ARHGAP39: variants seen among roughly 807,000 people sequenced by gnomAD.
ARHGAP39 encodes the protein rho GTPase-activating protein 39.
A neutral mutation model predicts 106.9 loss-of-function variants in ARHGAP39; 44 were observed. The ratio of observed to expected loss-of-function variants is 0.41; its 90% CI spans 0.32 to 0.53. The LOEUF is 0.53. Among genes scored for constraint, ARHGAP39 ranks in the 20% least tolerant of loss-of-function variants. The pLI is 0.21. For synonymous variants in ARHGAP39, 768 were observed against 693.2 expected (o/e 1.11, Z -1.69); for missense variants, 1,496 against 1,577.3 (o/e 0.95, Z 0.87).
At chr8:144,584,857 C>T (rs139734282) in intron 2 of ARHGAP39, among the ~76,000 whole-genome samples, 12 of 152,310 alleles carry the variant, frequency 7.9e-5, no homozygotes, top group African/African-American at 2.4e-4. Flanking sequence ...TCTGCCTGAG[C>T]GGTGTCTTAG....
At chr8:144,554,776 A>T (rs1234098920) in intron 4 of ARHGAP39, among the ~76,000 whole-genome samples, 3 of 152,226 alleles carry the variant, frequency 2.0e-5, no homozygotes, top group Admixed American at 1.3e-4. Context: ...GGCAGGCTCT[A>T]ATTCCCTGCC....
At chr8:144,566,492 G>T (rs921689035) in intron 3 of ARHGAP39, among the ~76,000 whole-genome samples, 1 of 152,078 alleles carries the variant, frequency 6.6e-6, no homozygotes, top group Admixed American at 6.6e-5. Context: ...GAGGCAAAGT[G>T]TGCAATGAGC....
chr8:144,562,956 G>A (rs1192132654), intron 3 of ARHGAP39, among the ~76,000 whole-genome samples: 1 of 152,280 alleles, frequency 6.6e-6, no homozygotes, highest in Non-Finnish European at 1.5e-5. Flanking sequence ...TATGTTTGAA[G>A]GAGTCAATAT....
intron 1 of ARHGAP39, among the ~76,000 whole-genome samples, chr8:144,685,025 G>A (rs1822542131): frequency 6.6e-6 from 1 of 152,172 alleles, no homozygotes; most frequent in South Asian, 2.1e-4. Flanking sequence ...GACGGCGCCC[G>A]GGAATGCGGC....
At position 144,566,445 on chromosome 8, in the gene ARHGAP39, T is replaced by C. The variant is rs536280645; in HGVS notation, c.513-10802A>G. On this transcript the variant is annotated intron_variant, in intron 3 of 11. Transcript: ENST00000377307. ...TGGGTGTGGTGGTGTGCACCTGTGG[T>C]CCCAGGTGCTGAGGTGGGAGGACAG... Among the ~76,000 whole-genome samples the C allele has an allele frequency of 5.3e-5, 8 of 151,946 alleles. No homozygotes were observed. In the East Asian group the frequency reaches 1.6e-3, roughly 30 times the overall value.
intron 1 of ARHGAP39, among the ~76,000 whole-genome samples, chr8:144,666,786 A>C (rs929078285): frequency 6.6e-6 from 1 of 152,150 alleles, no homozygotes; most frequent in African/African-American, 2.4e-5. Context: ...ACATGGCTAA[A>C]GGCGATCAGT....
intron 1 of ARHGAP39, among the ~76,000 whole-genome samples, chr8:144,681,996 C>T (rs150568702): frequency 6.6e-5 from 10 of 152,254 alleles, no homozygotes; most frequent in Non-Finnish European, 1.2e-4. Flanking sequence ...CGGCCGGGTG[C>T]GGTGGCACAC....
intron 4 of ARHGAP39, among the ~76,000 whole-genome samples, chr8:144,555,235 G>A (rs371675546): frequency 5.9e-5 from 9 of 152,234 alleles, no homozygotes; most frequent in East Asian, 1.9e-4. Context: ...GCTTTGGCAC[G>A]TGTGGCCTGA....
chr8:144,541,132 T>TG (rs1817174445), intron 6 of ARHGAP39, among the ~76,000 whole-genome samples: 1 of 152,258 alleles, frequency 6.6e-6, no homozygotes, highest in Non-Finnish European at 1.5e-5. Flanking sequence ...ATGACAGGCG[T>TG]GAGCCACCGC....
intron 1 of ARHGAP39, among the ~76,000 whole-genome samples, chr8:144,673,832 G>A (rs763290417): frequency 3.9e-5 from 6 of 152,252 alleles, no homozygotes; most frequent in African/African-American, 9.6e-5. Context: ...GCAAGCAAGC[G>A]CAGGGTCAGG....
intron 3 of ARHGAP39, among the ~76,000 whole-genome samples, chr8:144,576,770 G>A (rs1295137417): frequency 2.0e-5 from 3 of 152,146 alleles, no homozygotes; most frequent in African/African-American, 7.2e-5. Context: ...GCTCTTGAGG[G>A]AGAGTTATTT....
chr8:144,683,697 G>C (rs1004610697), intron 1 of ARHGAP39, among the ~76,000 whole-genome samples: 4 of 152,080 alleles, frequency 2.6e-5, no homozygotes, highest in Non-Finnish European at 5.9e-5. Flanking sequence ...ATTCATCTAA[G>C]TATGTGAGGC....
intron 2 of ARHGAP39, among the ~76,000 whole-genome samples, chr8:144,584,893 A>G (rs1032450915): frequency 2.6e-5 from 4 of 152,206 alleles, no homozygotes; most frequent in Non-Finnish European, 5.9e-5. Context: ...AAGTTGGTCC[A>G]AAGCCACACA....
intron 1 of ARHGAP39, among the ~76,000 whole-genome samples, chr8:144,614,842 C>T (rs528446818): frequency 6.6e-6 from 1 of 152,176 alleles, no homozygotes; most frequent in African/African-American, 2.4e-5. Flanking sequence ...AACAGGCACT[C>T]TTCTTAGTGT....
chr8:144,537,615 A>AT, intron 7 of ARHGAP39, 106 bp downstream of exon 7: 12 of 564,728 alleles, frequency 2.1e-5, no homozygotes, highest in Non-Finnish European at 3.4e-5. Context: ...TAGTGGCCCC[A>AT]TCCCCCCCGC....
intron 1 of ARHGAP39, among the ~76,000 whole-genome samples, chr8:144,651,311 A>G (rs899812621): frequency 2.0e-5 from 3 of 152,240 alleles, no homozygotes; most frequent in Admixed American, 6.5e-5. Context: ...AATCGGTATC[A>G]TTAAAATGGC....
chr8:144,633,961 CAG>C (rs1821127199), intron 1 of ARHGAP39, among the ~76,000 whole-genome samples: 1 of 152,236 alleles, frequency 6.6e-6, no homozygotes, highest in Non-Finnish European at 1.5e-5. Context: ...TAACAAACTG[CAG>C]AGAGGAAAAC....
the ARHGAP39 span, among the ~76,000 whole-genome samples, chr8:144,693,672 C>T: frequency 1.8e-4 from 27 of 152,294 alleles, no homozygotes; most frequent in East Asian, 1.2e-3. Context: ...CGCGCCCAGC[C>T]GCCTGGCCGT....
chr8:144,614,445 C>T (rs566884630), intron 1 of ARHGAP39, among the ~76,000 whole-genome samples: 42 of 152,076 alleles, frequency 2.8e-4, no homozygotes, highest in African/African-American at 9.7e-4. Context: ...CTCCGCCTCC[C>T]GGGTTCAAGT....
Sources: gnomAD v4.1 joint callset for allele counts (sites outside exome capture counted in the v4.1 genomes callset) on GRCh38, gnomAD v4.1.1 for gene constraint, MANE v1.5 for transcripts, NCBI Gene and HGNC (gene_info 2026-07-23, HGNC 2026-07-21) for gene names.